Variants in UBAC2 observed in about 807,000 individuals in gnomAD.
The protein encoded by UBAC2 is ubiquitin-associated domain-containing protein 2.
Under a neutral mutation model 44.0 loss-of-function variants are expected in UBAC2, and 26 were observed. The ratio of observed to expected loss-of-function variants is 0.59; its 90% confidence interval spans 0.43 to 0.82. The LOEUF (loss-of-function observed/expected upper bound fraction) is 0.82. UBAC2 is among the 40% of genes least tolerant of loss of function. UBAC2 has a pLI of 0.00. For synonymous variants in UBAC2, 155 were observed against 154.3 expected (o/e 1.00, Z -0.04); for missense variants, 329 against 419.4 (o/e 0.78, Z 1.88).
intron 1 of UBAC2, among the ~76,000 whole-genome samples, chr13:99,204,226 T>C (rs9585021): frequency 0.57 from 87,212 of 152,042 alleles, 26,836 homozygotes; most frequent in Non-Finnish European, 0.71. Flanking sequence ...AAAAGAACGT[T>C]TGTCCTCGGT....
At chr13:99,218,376 A>G (rs2043019838) in intron 1 of UBAC2, among the ~76,000 whole-genome samples, 1 of 152,086 alleles carries the variant, frequency 6.6e-6, no homozygotes, top group Non-Finnish European at 1.5e-5. Flanking sequence ...CTGTTTCAGG[A>G]CTAGGATTTT....
rs561605380 is a variant in UBAC2 at position 99,351,081 on chromosome 13, G to A, written c.807+10516G>A. Among the ~76,000 whole-genome samples the A allele has an allele frequency of 3.3e-5, 5 of 152,240 alleles. No individual in the cohort carries two copies. The South Asian group carries it at 1.0e-3, about 32-fold the overall frequency. ...GAAAAGAACAAGAATGGGCAGTTAG[G>A]GACTCAATCCTGGGTTGACAGGGAC... On this transcript the variant is annotated intron_variant, in intron 7 of 8. Coordinates refer to ENST00000403766, the MANE Select transcript of UBAC2 (RefSeq NM_001144072.2).
chr13:99,358,124 G>C, intron 7 of UBAC2, among the ~76,000 whole-genome samples: 1 of 152,168 alleles, frequency 6.6e-6, no homozygotes, highest in East Asian at 1.9e-4. Flanking sequence ...GTGAGAGCAG[G>C]CTCCCCAGCA....
Position 99,326,353 on chromosome 13 carries a change from C to T in UBAC2, c.561+8284C>T, listed in dbSNP as rs543391918. ...TTGTATGTCTTCTTTGGAGAAATGT[C>T]TGTTTAGGTCCTTAGCCCATTTTTA... On this transcript the variant is annotated intron_variant, in intron 6 of 8. Transcript: ENST00000403766. Among the ~76,000 whole-genome samples, 3 of 152,174 alleles carry T rather than the reference C, an allele frequency of 2.0e-5. No individual in the cohort carries two copies. In the South Asian group the frequency reaches 6.2e-4, roughly 32 times the overall value.
chr13:99,243,834 T>A lies in UBAC2; in HGVS notation c.162T>A (p.Ile54=). 1 of 1,567,756 alleles carries A rather than the reference T, an allele frequency of 6.4e-7. No individual in the cohort carries two copies. The highest frequency in any genetic ancestry group is 8.7e-7 in the Non-Finnish European group (1 of 1,155,584). ...TTCTTTTTTAAATCCCCATCTAGAT[T>A]TGGAGGTTGATATGTGGAAGAATAA... ...DLHAVKNDFQ[I]WRLICGRIIC... The change falls in exon 3 of 9, where the codon ATT becomes ATA. Residue 54 remains isoleucine (I), a splice_region_variant and synonymous_variant. Transcript: ENST00000403766.
At chr13:99,292,430 C>T (rs544257868) in intron 4 of UBAC2, among the ~76,000 whole-genome samples, 15 of 152,236 alleles carry the variant, frequency 9.9e-5, no homozygotes, top group East Asian at 7.7e-4. Context: ...GCATGAGCCA[C>T]TGCGCCCAGC....
intron 1 of UBAC2, among the ~76,000 whole-genome samples, chr13:99,235,194 A>G (rs1471858015): frequency 6.6e-6 from 1 of 152,210 alleles, no homozygotes; most frequent in Non-Finnish European, 1.5e-5. Flanking sequence ...TAATTTTTTA[A>G]AAACAAAACA....
In UBAC2 at chr13:99,309,398, C is replaced by T. The variant is rs181368699; in HGVS notation, c.390-4699C>T. ...TGCTGGGATTACAGGTGTGAGCCAC[C>T]GTGCCCAGCCCCTTTTTTTTGATAT... is the stretch of plus-strand genomic sequence containing the variant. On this transcript the variant is annotated intron_variant, in intron 4 of 8. Transcript: ENST00000403766. Among the ~76,000 whole-genome samples, 19 of 152,204 alleles carry T rather than the reference C, an allele frequency of 1.2e-4. No homozygotes were observed. The East Asian group carries it at 3.5e-3, about 28-fold the overall frequency.
intron 4 of UBAC2, among the ~76,000 whole-genome samples, chr13:99,253,307 C>G (rs1025215533): frequency 6.6e-5 from 10 of 152,012 alleles, no homozygotes; most frequent in African/African-American, 2.4e-4. Context: ...CATGAAAGAA[C>G]TGACCTTGGT....
At chr13:99,347,351 G>A (rs2045006734) in intron 7 of UBAC2, among the ~76,000 whole-genome samples, 1 of 103,428 alleles carries the variant, frequency 9.7e-6, no homozygotes, top group Admixed American at 1.4e-4. Context: ...AAAAAGGCAA[G>A]TGAAGATGAT....
chr13:99,215,376 A>G (rs2042980075), intron 1 of UBAC2: 2 of 1,149,632 alleles, frequency 1.7e-6, no homozygotes, highest in Non-Finnish European at 2.6e-6. Context: ...CATACATTAG[A>G]CAGTCTTCTG....
At chr13:99,236,505 CA>C (rs2043234244) in intron 1 of UBAC2, among the ~76,000 whole-genome samples, 1 of 152,172 alleles carries the variant, frequency 6.6e-6, no homozygotes, top group African/African-American at 2.4e-5. Flanking sequence ...ATCAAAACCA[CA>C]ATGAGATACT....
chr13:99,245,066 T>C (rs1017307580), intron 4 of UBAC2, among the ~76,000 whole-genome samples: 1 of 152,150 alleles, frequency 6.6e-6, no homozygotes, highest in Admixed American at 6.5e-5. Flanking sequence ...ACTCCTGACC[T>C]CAGGTGATCC....
chr13:99,342,839 A>T (rs754151617), intron 7 of UBAC2, among the ~76,000 whole-genome samples: 4 of 152,192 alleles, frequency 2.6e-5, no homozygotes, highest in Non-Finnish European at 4.4e-5. Context: ...CTCTTCACAC[A>T]GAGTTGATGA....
At chr13:99,366,344 G>C (rs958431835) in intron 7 of UBAC2, among the ~76,000 whole-genome samples, 9 of 152,086 alleles carry the variant, frequency 5.9e-5, no homozygotes, top group Non-Finnish European at 1.0e-4. Flanking sequence ...TTGTGGTTTT[G>C]AATTCTGAGT....
chr13:99,201,231 C>T (rs768361644), intron 1 of UBAC2: 1 of 1,433,600 alleles, frequency 7.0e-7, no homozygotes, highest in Non-Finnish European at 9.1e-7. Flanking sequence ...TGGGCAGGTG[C>T]CCTGGTGTTC....
chr13:99,265,537 C>G (rs1204334887), intron 4 of UBAC2, among the ~76,000 whole-genome samples: 1 of 152,228 alleles, frequency 6.6e-6, no homozygotes, highest in African/African-American at 2.4e-5. Flanking sequence ...TGACACATCT[C>G]TCTTTGACAG....
chr13:99,214,223 GTT>G (rs143401786), intron 1 of UBAC2, among the ~76,000 whole-genome samples: 26 of 125,652 alleles, frequency 2.1e-4, no homozygotes, highest in Admixed American at 3.9e-4. Flanking sequence ...TCTTTGGTTT[GTT>G]TTTTTTTTTT....
Position 99,380,164 on chromosome 13 carries a change from T to C in UBAC2, c.928-5064T>C, listed in dbSNP as rs577602132. Among the ~76,000 whole-genome samples, 6 of 152,356 alleles carry C rather than the reference T, an allele frequency of 3.9e-5. No homozygotes were observed. The East Asian group carries it at 1.2e-3, about 29-fold the overall frequency. On this transcript the variant is annotated intron_variant, in intron 8 of 8. Coordinates refer to ENST00000403766, the MANE Select transcript of UBAC2 (RefSeq NM_001144072.2). ...GTGGAACTTGCCATTTGTACTGCCA[T>C]GTTGGTACTCAAAAAGTTTCAAATT...
Sources: gnomAD v4.1 joint callset for allele counts (sites outside exome capture counted in the v4.1 genomes callset) on GRCh38, gnomAD v4.1.1 for gene constraint, MANE v1.5 for transcripts, NCBI Gene and HGNC (gene_info 2026-07-23, HGNC 2026-07-21) for gene names.